Variants in GALNTL6 observed in about 807,000 individuals in gnomAD.
GALNTL6 encodes polypeptide N-acetylgalactosaminyltransferase like 6.
A neutral mutation model predicts 73.7 loss-of-function variants in GALNTL6; 46 were observed. The ratio of observed to expected loss-of-function variants is 0.62; its 90% CI spans 0.49 to 0.80. The LOEUF is 0.80. GALNTL6 is among the 30% of genes least tolerant of loss of function. The pLI, the probability that GALNTL6 is intolerant of heterozygous loss-of-function variation, is 0.00. For missense variants in GALNTL6, 604 were observed against 755.0 expected (o/e 0.80, Z 2.34); for synonymous variants, 259 against 263.7 (o/e 0.98, Z 0.17).
intron 2 of GALNTL6, among the ~76,000 whole-genome samples, chr4:172,215,635 G>A (rs28884614): frequency 0.41 from 61,647 of 151,838 alleles, 12,751 homozygotes; most frequent in African/African-American, 0.45. Flanking sequence ...TGTAAATAAA[G>A]TTTAGTTGAG....
chr4:172,970,732 TCAG>T (rs758108568), intron 10 of GALNTL6, among the ~76,000 whole-genome samples: 70 of 152,308 alleles, frequency 4.6e-4, no homozygotes, highest in Non-Finnish European at 9.6e-4. Context: ...ACGTACATTC[TCAG>T]CTTACAAAGA....
At chr4:172,711,985 C>T (rs1356644008) in intron 5 of GALNTL6, among the ~76,000 whole-genome samples, 2 of 152,104 alleles carry the variant, frequency 1.3e-5, no homozygotes, top group African/African-American at 2.4e-5. Context: ...AGGAAAAGAG[C>T]ACTTCAAGAG....
At chr4:172,709,017 C>G (rs1734532539) in intron 5 of GALNTL6, among the ~76,000 whole-genome samples, 1 of 152,098 alleles carries the variant, frequency 6.6e-6, no homozygotes, top group African/African-American at 2.4e-5. Context: ...ACAATTTTTT[C>G]TATATTGTTC....
chr4:172,671,597 C>G (rs1173602324), intron 5 of GALNTL6, among the ~76,000 whole-genome samples: 1 of 152,200 alleles, frequency 6.6e-6, no homozygotes, highest in East Asian at 1.9e-4. Flanking sequence ...AAGATTATAT[C>G]ATCTGCAAAC....
chr4:172,550,741 G>T (rs947779585), intron 5 of GALNTL6, among the ~76,000 whole-genome samples: 9 of 152,088 alleles, frequency 5.9e-5, no homozygotes, highest in Admixed American at 3.9e-4. Flanking sequence ...AGCACTACGG[G>T]TGTGCATCAC....
At chr4:172,243,519 C>T (rs1737521995) in intron 3 of GALNTL6, among the ~76,000 whole-genome samples, 1 of 152,132 alleles carries the variant, frequency 6.6e-6, no homozygotes, top group African/African-American at 2.4e-5. Context: ...AATAACGGCA[C>T]TCCTACATTA....
intron 5 of GALNTL6, among the ~76,000 whole-genome samples, chr4:172,363,580 A>G (rs1238088055): frequency 6.6e-6 from 1 of 152,172 alleles, no homozygotes; most frequent in African/African-American, 2.4e-5. Flanking sequence ...CATTACTACT[A>G]TAGTACCCTC....
chr4:171,957,164 T>A (rs1018699198), intron 2 of GALNTL6, among the ~76,000 whole-genome samples: 3 of 152,188 alleles, frequency 2.0e-5, no homozygotes, highest in African/African-American at 7.2e-5. Context: ...ACAGACAAGG[T>A]CTAACCTCTA....
chr4:171,907,088 A>G (rs1253578925), intron 2 of GALNTL6, among the ~76,000 whole-genome samples: 3 of 152,266 alleles, frequency 2.0e-5, no homozygotes, highest in African/African-American at 7.2e-5. Context: ...CTGGCACAAG[A>G]CAGGGATGCC....
At chr4:172,250,849 T>A (rs1737839781) in intron 3 of GALNTL6, among the ~76,000 whole-genome samples, 1 of 152,200 alleles carries the variant, frequency 6.6e-6, no homozygotes, top group Non-Finnish European at 1.5e-5. Flanking sequence ...AGAGCAAGTT[T>A]TATTTTATGA....
intron 2 of GALNTL6, among the ~76,000 whole-genome samples, chr4:171,987,644 T>C (rs1429689757): frequency 6.6e-6 from 1 of 152,114 alleles, no homozygotes; most frequent in Non-Finnish European, 1.5e-5. Flanking sequence ...GATGGAACAC[T>C]GAGAAGTTAT....
chr4:173,014,976 G>A (rs1003848798), intron 11 of GALNTL6, among the ~76,000 whole-genome samples: 2 of 152,174 alleles, frequency 1.3e-5, no homozygotes, highest in African/African-American at 4.8e-5. Flanking sequence ...TTAATCATGA[G>A]GGCAGTTACC....
chr4:172,278,319 GT>G (rs1738906543), intron 3 of GALNTL6, among the ~76,000 whole-genome samples: 1 of 152,092 alleles, frequency 6.6e-6, no homozygotes, highest in Admixed American at 6.6e-5. Context: ...CATTTGTGTA[GT>G]TTTCTTTGCA....
intron 5 of GALNTL6, among the ~76,000 whole-genome samples, chr4:172,445,891 G>T (rs1254288567): frequency 1.3e-5 from 2 of 152,134 alleles, no homozygotes; most frequent in Non-Finnish European, 2.9e-5. Context: ...TGCATGCTTA[G>T]TACTATTATT....
intron 5 of GALNTL6, among the ~76,000 whole-genome samples, chr4:172,368,731 G>A (rs1223606231): frequency 6.7e-6 from 1 of 148,592 alleles, no homozygotes; most frequent in Non-Finnish European, 1.5e-5. Context: ...TGTGTCTGGA[G>A]TTTCTTCCCT....
intron 8 of GALNTL6, among the ~76,000 whole-genome samples, chr4:172,924,999 G>C (rs1287748807): frequency 1.3e-5 from 2 of 152,062 alleles, no homozygotes; most frequent in African/African-American, 4.8e-5. Context: ...AGCCTCCCGA[G>C]TACCTGGGAC....
At chr4:172,697,738 A>ATCATTCC (rs1316856027) in intron 5 of GALNTL6, among the ~76,000 whole-genome samples, 1 of 152,164 alleles carries the variant, frequency 6.6e-6, no homozygotes, top group Non-Finnish European at 1.5e-5. Flanking sequence ...AATCATAAAT[A>ATCATTCC]TATCATATTA....
chr4:172,929,736 T>A (rs1748229968), intron 8 of GALNTL6, among the ~76,000 whole-genome samples: 1 of 152,192 alleles, frequency 6.6e-6, no homozygotes, highest in South Asian at 2.1e-4. Context: ...TGACCAAATA[T>A]CTGGGCGCCA....
At chr4:171,854,819 C>T (rs779776592) in intron 2 of GALNTL6, among the ~76,000 whole-genome samples, 1 of 152,130 alleles carries the variant, frequency 6.6e-6, no homozygotes, top group Non-Finnish European at 1.5e-5. Flanking sequence ...GACTAATTAC[C>T]TCTCAAAGGC....
Sources: gnomAD v4.1 joint callset for allele counts (sites outside exome capture counted in the v4.1 genomes callset) on GRCh38, gnomAD v4.1.1 for gene constraint, MANE v1.5 for transcripts, NCBI Gene and HGNC (gene_info 2026-07-23, HGNC 2026-07-21) for gene names.